The following SPATA18 variants were observed in gnomAD, a reference collection of about 807,000 sequenced individuals.
SPATA18 encodes the protein spermatogenesis associated 18.
Under a neutral mutation model 68.1 loss-of-function variants are expected in SPATA18, and 54 were observed. That is an observed-to-expected ratio of 0.79 (90% confidence interval 0.64 to 0.99). SPATA18 has a LOEUF of 0.99. SPATA18 is among the 50% of genes least tolerant of loss of function. The pLI, the probability that SPATA18 is intolerant of heterozygous loss-of-function variation, is 0.00. For missense variants in SPATA18, 724 were observed against 681.1 expected (o/e 1.06, Z -0.70); for synonymous variants, 242 against 244.8 (o/e 0.99, Z 0.11).
Position 52,082,523 on chromosome 4 carries a change from T to C in SPATA18, c.1479+13T>C, listed in dbSNP as rs1229314879. 1 of 1,613,920 alleles carries C rather than the reference T, an allele frequency of 6.2e-7. No individual in the cohort carries two copies. Among genetic ancestry groups the C allele is most frequent in the African/African-American group, 1.3e-5 (1 of 74,914 alleles). On this transcript the variant is annotated intron_variant, in intron 10 of 12. Transcript: ENST00000295213. ...GAGAGGGGCTTTTGTACGGTGGCCT[T>C]GCATAGTGACAATTCATCCCAAGTG...
Position 52,057,382 on chromosome 4 carries a change from T to G in SPATA18, c.88-3037T>G, listed in dbSNP as rs192587094. Among the ~76,000 whole-genome samples the G allele has an allele frequency of 2.1e-3, 316 of 152,298 alleles. 3 individuals carry two copies. The highest frequency in any genetic ancestry group is 5.0e-4 in the Non-Finnish European group (34 of 68,010). ...TAGAATAATGTGACCCTATTGCAAC[T>G]TGATTATCTTGTGCAATGCTTTGTG... On this transcript the variant is annotated intron_variant, in intron 1 of 12. Coordinates refer to ENST00000295213, the MANE Select transcript of SPATA18 (RefSeq NM_145263.4).
chr4:52,093,142 G>T (rs756598844), intron 11 of SPATA18, among the ~76,000 whole-genome samples: 1 of 151,968 alleles, frequency 6.6e-6, no homozygotes, highest in African/African-American at 2.4e-5. Context: ...AACTTAAAAA[G>T]AAAAATAAAA....
At chr4:52,057,694 G>T (rs1738470656) in intron 1 of SPATA18, among the ~76,000 whole-genome samples, 1 of 152,158 alleles carries the variant, frequency 6.6e-6, no homozygotes, top group Non-Finnish European at 1.5e-5. Context: ...TTTTCTAAGG[G>T]AATGCAGCTG....
At chr4:52,070,653 G>A (rs1578169769) in intron 5 of SPATA18, among the ~76,000 whole-genome samples, 1 of 152,066 alleles carries the variant, frequency 6.6e-6, no homozygotes, top group Non-Finnish European at 1.5e-5. Flanking sequence ...CCTGCACATT[G>A]TGCATATGTA....
chr4:52,079,136 T>G (rs1017570503), intron 8 of SPATA18, among the ~76,000 whole-genome samples: 1 of 152,218 alleles, frequency 6.6e-6, no homozygotes, highest in African/African-American at 2.4e-5. Flanking sequence ...GGAGATGGAA[T>G]ATCATAGTTC....
At chr4:52,082,360 C>T (rs758124750) in intron 9 of SPATA18, 27 bp from the exon 10 acceptor site, 27 of 1,605,832 alleles carry the variant, frequency 1.7e-5, no homozygotes, top group Non-Finnish European at 2.0e-5. Flanking sequence ...CTTAACTTCT[C>T]TTTCTTTTTT....
chr4:52,055,054 C>G (rs1364451375), intron 1 of SPATA18, among the ~76,000 whole-genome samples: 1 of 151,970 alleles, frequency 6.6e-6, no homozygotes, highest in Non-Finnish European at 1.5e-5. Context: ...TTGCCTGTAA[C>G]AGAACTAGCA....
rs185296843 is a variant in SPATA18, at chr4:52,095,554, G to A, written c.*667G>A. The A allele has an allele frequency of 6.6e-6, 1 of 152,216 alleles. No individual in the cohort carries two copies. Among genetic ancestry groups the A allele is most frequent in the East Asian group, 1.9e-4 (1 of 5,202 alleles). 9.4% of individuals were successfully genotyped at this position (152,216 alleles called of 1,614,324 possible). A position where few individuals can be genotyped will look rare whatever the true frequency, so the allele number is the denominator to read the frequency against. On this transcript the variant is annotated 3_prime_UTR_variant, in exon 13 of 13. Transcript: ENST00000295213. ...GTTTAGTTGACCAATGAATGTCAAA[G>A]CTACTTAGTTGAGAGAATTTCCTTG...
At chr4:52,087,258 G>A (rs1278361738) in intron 11 of SPATA18, among the ~76,000 whole-genome samples, 2 of 152,124 alleles carry the variant, frequency 1.3e-5, no homozygotes, top group Non-Finnish European at 2.9e-5. Context: ...CTGTGCAAAA[G>A]CTCTTTAGTT....
chr4:52,064,839 G>T (rs1739185951), intron 4 of SPATA18, among the ~76,000 whole-genome samples: 1 of 152,104 alleles, frequency 6.6e-6, no homozygotes, highest in African/African-American at 2.4e-5. Flanking sequence ...TTTAGTTAAG[G>T]AATCTCCACA....
Position 52,094,958 on chromosome 4 carries a change from CT to C in SPATA18, c.*72del. 1 of 1,570,230 alleles carries C rather than the reference CT, an allele frequency of 6.4e-7. No homozygotes were observed. Among genetic ancestry groups the C allele is most frequent in the South Asian group, 1.1e-5 (1 of 90,248 alleles). The stretch of plus-strand genomic sequence containing the variant: ...TTTCTCCAGTGCCGCCATCTGTCTT[CT>C]GTGTCTGCCTCAGACCTCACTTAAG... On this transcript the variant is annotated 3_prime_UTR_variant, in exon 13 of 13. Transcript: ENST00000295213.
At position 52,051,672 on chromosome 4, in the gene SPATA18, C is replaced by T. The variant is rs767642434; in HGVS notation, c.-33C>T. ...CCGCCTGGTCCCCCCAAGTCTCCAT[C>T]GCGCAGCGTGGGGCCGAGAGGAATA... On this transcript the variant is annotated 5_prime_UTR_variant, in exon 1 of 13. Transcript: ENST00000295213. The T allele has an allele frequency of 1.2e-6, 2 of 1,608,970 alleles. No individual in the cohort carries two copies. The highest frequency in any genetic ancestry group is 2.2e-5 in the South Asian group (2 of 90,956).
chr4:52,068,190 A>G (rs1340015544), intron 4 of SPATA18, among the ~76,000 whole-genome samples: 1 of 152,162 alleles, frequency 6.6e-6, no homozygotes, highest in Non-Finnish European at 1.5e-5. Flanking sequence ...TCATTTTCAC[A>G]TATTTACTTT....
At chr4:52,062,029 T>C (rs1738898374) in intron 3 of SPATA18, among the ~76,000 whole-genome samples, 191 bp from the exon 4 acceptor site, 1 of 152,202 alleles carries the variant, frequency 6.6e-6, no homozygotes, top group African/African-American at 2.4e-5. Context: ...GAGCATTTCT[T>C]GCACCTTCCC....
intron 5 of SPATA18, 37 bp downstream of exon 5, chr4:52,069,953 C>A: frequency 4.8e-6 from 7 of 1,466,634 alleles, no homozygotes; most frequent in Non-Finnish European, 6.5e-6. Flanking sequence ...CAGCCTAAAT[C>A]ATTGAATTTA....
At chr4:52,056,251 C>G (rs867562729) in intron 1 of SPATA18, among the ~76,000 whole-genome samples, 1 of 152,208 alleles carries the variant, frequency 6.6e-6, no homozygotes, top group African/African-American at 2.4e-5. Context: ...AGTCCTGTCT[C>G]TCTTCTAAGC....
chr4:52,076,835 G>A lies in SPATA18; in HGVS notation c.815G>A (p.Ser272Asn), dbSNP rs375311110. The A allele has an allele frequency of 5.6e-6, 9 of 1,614,164 alleles. No individual in the cohort carries two copies. The highest frequency in any genetic ancestry group is 7.6e-6 in the Non-Finnish European group (9 of 1,180,014). Residue 272 changes from serine to asparagine, a missense_variant, in exon 7 of 13, where the codon AGC becomes AAC. Ser to Asn is a conservative substitution (Grantham distance 46, BLOSUM62 1). Coordinates refer to ENST00000295213, the MANE Select transcript of SPATA18 (RefSeq NM_145263.4). ...CCTCGCAGCCGTAGCTGCAGCCGCA[G>A]CAGATCTGCCAGCCCCTCCACCGCT... ...PAPRSRSCSR[S>N]RSASPSTAVK...
chr4:52,059,702 C>T (rs1380821619), intron 1 of SPATA18, among the ~76,000 whole-genome samples: 1 of 152,220 alleles, frequency 6.6e-6, no homozygotes, highest in East Asian at 1.9e-4. Context: ...GAGTAACTGG[C>T]TATTCATCTG....
chr4:52,090,975 G>A (rs916899188), intron 11 of SPATA18, among the ~76,000 whole-genome samples: 1 of 151,894 alleles, frequency 6.6e-6, no homozygotes, highest in South Asian at 2.1e-4. Flanking sequence ...TTTCTTGGAG[G>A]CTTTGTTTGT....
Sources: allele counts gnomAD v4.1 joint callset (sites outside exome capture counted in the v4.1 genomes callset), GRCh38; gene constraint gnomAD v4.1.1; transcripts MANE v1.5; gene names NCBI Gene and HGNC (gene_info 2026-07-23, HGNC 2026-07-21).